FSTL5: variants seen among roughly 807,000 people sequenced by gnomAD.
The protein encoded by FSTL5 is follistatin like 5, also known as follistatin-related protein 5.
A neutral mutation model predicts 89.1 loss-of-function variants in FSTL5; 62 were observed. That is an observed-to-expected ratio of 0.70 (90% CI 0.57 to 0.86). FSTL5 has a LOEUF of 0.86. Ranked by LOEUF, FSTL5 falls within the 40% of genes least tolerant of loss-of-function variation. FSTL5 has a pLI of 0.00. For synonymous variants in FSTL5, 383 were observed against 346.2 expected, an observed-to-expected ratio of 1.11 and a Z score of -1.18; for missense variants, 1,057 against 1,001.6, an observed-to-expected ratio of 1.06 and a Z score of -0.75.
At chr4:162,147,838 T>C (rs1232256641) in intron 1 of FSTL5, among the ~76,000 whole-genome samples, 1 of 152,012 alleles carries the variant, frequency 6.6e-6, no homozygotes, top group Non-Finnish European at 1.5e-5. Flanking sequence ...ACCCCATCTC[T>C]ACTAAAACTA....
chr4:162,114,185 T>C (rs180852866), intron 1 of FSTL5, among the ~76,000 whole-genome samples: 13 of 149,000 alleles, frequency 8.7e-5, no homozygotes, highest in African/African-American at 2.8e-4. Context: ...CCCATCCCCC[T>C]TTTTTTTGTC....
At chr4:161,864,000 TC>T (rs1195166473) in intron 4 of FSTL5, among the ~76,000 whole-genome samples, 3 of 152,232 alleles carry the variant, frequency 2.0e-5, no homozygotes, top group Non-Finnish European at 4.4e-5. Context: ...CTCAAGGTGT[TC>T]TATTTAGTTG....
At chr4:162,106,917 C>T (rs1336067859) in intron 2 of FSTL5, among the ~76,000 whole-genome samples, 1 of 152,152 alleles carries the variant, frequency 6.6e-6, no homozygotes, top group Non-Finnish European at 1.5e-5. Flanking sequence ...CTTGAACAGA[C>T]GCTGTTTGCA....
chr4:162,038,965 G>T (rs572549451), intron 2 of FSTL5, among the ~76,000 whole-genome samples: 1 of 151,824 alleles, frequency 6.6e-6, no homozygotes, highest in East Asian at 1.9e-4. Flanking sequence ...GAGCCATAAA[G>T]TCCACACAGA....
intron 15 of FSTL5, among the ~76,000 whole-genome samples, chr4:161,436,735 G>T (rs537170704): frequency 6.6e-6 from 1 of 152,168 alleles, no homozygotes; most frequent in South Asian, 2.1e-4. Context: ...CCCGCAGATG[G>T]TCAGATTGAG....
intron 15 of FSTL5, among the ~76,000 whole-genome samples, chr4:161,436,284 C>A (rs1177643732): frequency 2.0e-5 from 3 of 152,286 alleles, no homozygotes; most frequent in Non-Finnish European, 2.9e-5. Flanking sequence ...ACACGTTTTT[C>A]TTCCTCCCTT....
intron 4 of FSTL5, among the ~76,000 whole-genome samples, chr4:161,889,140 T>G (rs1027036349): frequency 5.3e-5 from 8 of 152,208 alleles, no homozygotes; most frequent in African/African-American, 1.9e-4. Context: ...GCAGTCTAAA[T>G]ATCCTAGAGT....
At chr4:161,514,306 T>C (rs752914479) in intron 10 of FSTL5, among the ~76,000 whole-genome samples, 1 of 151,808 alleles carries the variant, frequency 6.6e-6, no homozygotes, top group Non-Finnish European at 1.5e-5. Context: ...AGAAATGAAA[T>C]CTTGTCTTTT....
chr4:161,649,719 C>A (rs1736272194), intron 7 of FSTL5, among the ~76,000 whole-genome samples: 1 of 152,156 alleles, frequency 6.6e-6, no homozygotes, highest in Non-Finnish European at 1.5e-5. Flanking sequence ...GTATGCCGAA[C>A]TAAATGATTC....
chr4:161,530,173 C>T lies in FSTL5; in HGVS notation c.1312+7993G>A, dbSNP rs1280292631. On this transcript the variant is annotated intron_variant, in intron 10 of 15. Transcript: ENST00000306100. ...TTCTAAAGTTTATGATAGTCATATT[C>T]ATACGATCTTTATAGGTAAAAAGAC... 1.4e-5 allele frequency among the ~76,000 whole-genome samples: 2 copies of T among 142,452 alleles called. 1 individual carries two copies. Among genetic ancestry groups the T allele is most frequent in the East Asian group, 4.9e-4 (2 of 4,102 alleles). The allele number at this position is 142,452 out of a possible 152,430, so 93.5% of individuals were successfully genotyped here. A position where few individuals can be genotyped will look rare whatever the true frequency, so the allele number is the denominator to read the frequency against.
At position 161,485,455 on chromosome 4, in the gene FSTL5, C is replaced by T. The variant is rs192264254; in HGVS notation, c.1459-4286G>A. 6.6e-5 allele frequency among the ~76,000 whole-genome samples: 10 copies of T among 152,254 alleles called. No homozygotes were observed. The East Asian group carries it at 1.4e-3, about 21-fold the overall frequency. ...CTTTGTCATTCACCAGGCTTTCCTC[C>T]GCTGTCACCTTCTAGGAAAATTGTT... On this transcript the variant is annotated intron_variant, in intron 12 of 15. Coordinates refer to ENST00000306100, the MANE Select transcript of FSTL5 (RefSeq NM_020116.5).
At chr4:161,932,944 T>C (rs1734331402) in intron 3 of FSTL5, among the ~76,000 whole-genome samples, 1 of 152,076 alleles carries the variant, frequency 6.6e-6, no homozygotes, top group Non-Finnish European at 1.5e-5. Flanking sequence ...ATAAATTCTC[T>C]ACAAGTTATA....
At chr4:161,396,876 A>T (rs1262231166) in intron 15 of FSTL5, among the ~76,000 whole-genome samples, 1 of 152,122 alleles carries the variant, frequency 6.6e-6, no homozygotes, top group Non-Finnish European at 1.5e-5. Flanking sequence ...AGAAATAAAG[A>T]CAATTGATAA....
At chr4:162,132,514 G>GT (rs1334277677) in intron 1 of FSTL5, among the ~76,000 whole-genome samples, 1 of 152,040 alleles carries the variant, frequency 6.6e-6, no homozygotes, top group East Asian at 1.9e-4. Context: ...TTTAAGAACT[G>GT]TAACACTCAC....
intron 13 of FSTL5, among the ~76,000 whole-genome samples, chr4:161,464,465 C>A (rs568711529): frequency 5.3e-5 from 8 of 152,142 alleles, no homozygotes; most frequent in Non-Finnish European, 8.8e-5. Flanking sequence ...TTCTCCTCAG[C>A]TTTCCCAAGC....
At chr4:161,954,502 T>A (rs1734977181) in intron 3 of FSTL5, among the ~76,000 whole-genome samples, 1 of 148,938 alleles carries the variant, frequency 6.7e-6, no homozygotes. Context: ...CCATTGCATA[T>A]CGGGATATAC....
intron 4 of FSTL5, among the ~76,000 whole-genome samples, chr4:161,858,127 A>G (rs1454955591): frequency 4.6e-5 from 7 of 152,106 alleles, no homozygotes; most frequent in African/African-American, 7.2e-5. Context: ...GGGCCCTTAT[A>G]TTAATAAAAG....
intron 12 of FSTL5, among the ~76,000 whole-genome samples, chr4:161,486,295 G>A (rs1729676701): frequency 1.3e-5 from 2 of 152,096 alleles, no homozygotes; most frequent in African/African-American, 4.8e-5. Flanking sequence ...GGCCTAACAT[G>A]TATACATCCA....
chr4:161,483,769 G>A (rs995836048), intron 12 of FSTL5, among the ~76,000 whole-genome samples: 5 of 152,092 alleles, frequency 3.3e-5, no homozygotes, highest in Non-Finnish European at 7.4e-5. Context: ...AGAATCCAGA[G>A]ATGAAAAATA....
Sources: allele counts gnomAD v4.1 joint callset (sites outside exome capture counted in the v4.1 genomes callset), GRCh38; gene constraint gnomAD v4.1.1; transcripts MANE v1.5; gene names NCBI Gene and HGNC (gene_info 2026-07-23, HGNC 2026-07-21).